MYB: variants seen among roughly 807,000 people sequenced by gnomAD.
The protein encoded by MYB is MYB proto-oncogene, transcription factor, also known as transcriptional activator Myb.
Under a neutral mutation model 92.9 loss-of-function variants are expected in MYB, and 28 were observed. The observed-to-expected ratio is 0.30, with a 90% CI of 0.22 to 0.41. The LOEUF is 0.41. Ranked by LOEUF, MYB falls within the 10% of genes least tolerant of loss-of-function variation. The pLI is 1.00. For synonymous variants in MYB, 295 were observed against 329.1 expected (o/e 0.90, Z 1.12); for missense variants, 679 against 929.3 (o/e 0.73, Z 3.50).
rs949351821 is a variant in MYB at position 135,181,609 on chromosome 6, C to G, written c.23+73C>G. 6.8e-6 allele frequency: 7 copies of G among 1,035,444 alleles called. No individual in the cohort carries two copies. The African/African-American group carries it at 1.0e-4, about 15-fold the overall frequency. The allele number at this position is 1,035,444 out of a possible 1,614,324, so 64.1% of individuals were successfully genotyped here. On this transcript the variant is annotated intron_variant, in intron 1 of 15. Coordinates refer to ENST00000341911, the MANE Select transcript of MYB (RefSeq NM_001130173.2). The surrounding 1 kb of genome is among the most constrained non-coding windows in gnomAD (Gnocchi z 5.3). ...GCGCGGGGCGCCAGGCTCCCGGGAG[C>G]AGGTGGGAATTCGTTCCGGGATCAT...
chr6:135,186,079 CA>C, intron 2 of MYB, 59 bp downstream of exon 2: 1 of 1,451,488 alleles, frequency 6.9e-7, no homozygotes. Context: ...TTATAAAAAA[CA>C]AAATTTCAAC....
intron 2 of MYB, among the ~76,000 whole-genome samples, chr6:135,186,556 G>A (rs1486458606): frequency 6.6e-6 from 1 of 152,182 alleles, no homozygotes; most frequent in Non-Finnish European, 1.5e-5. Flanking sequence ...CTCAATAAGT[G>A]AATGACTTGC....
At chr6:135,195,635 C>A in intron 8 of MYB, 113 bp from the exon 9 acceptor site, 1 of 1,218,706 alleles carries the variant, frequency 8.2e-7, no homozygotes. Flanking sequence ...GATGATGCAA[C>A]TACTCTTATC....
chr6:135,181,427 A>G lies in MYB; in HGVS notation c.-87A>G. 2 of 937,328 alleles carry G rather than the reference A, an allele frequency of 2.1e-6. No homozygotes were observed. The highest frequency in any genetic ancestry group is 5.7e-5 in the East Asian group (1 of 17,698). 58.1% of individuals were successfully genotyped at this position (937,328 alleles called of 1,614,324 possible). A position where few individuals can be genotyped will look rare whatever the true frequency, so the allele number is the denominator to read the frequency against. On this transcript the variant is annotated 5_prime_UTR_variant, in exon 1 of 16. Transcript: ENST00000341911. The surrounding 1 kb of genome is among the most constrained non-coding windows in gnomAD (Gnocchi z 5.3). ...GCGGAGCGCCGCTGCGCAGCCGGGG[A>G]GGGACGCAGGCAGGCGGCGGGCAGC...
chr6:135,206,270 T>C (rs1170334885), intron 15 of MYB, among the ~76,000 whole-genome samples: 1 of 148,056 alleles, frequency 6.8e-6, no homozygotes. Flanking sequence ...TAGTGGTACA[T>C]ACCTGTAATC....
intron 14 of MYB, 86 bp downstream of exon 14, chr6:135,201,835 T>C: frequency 1.6e-6 from 1 of 621,252 alleles, no homozygotes. Flanking sequence ...CTGCTGCGGT[T>C]TCAGCACTCC....
Position 135,203,209 on chromosome 6 carries a change from C to T in MYB, c.2062-8C>T, listed in dbSNP as rs750696073. On this transcript the variant is annotated splice_region_variant and splice_polypyrimidine_tract_variant and intron_variant, in intron 14 of 15. Coordinates refer to ENST00000341911, the MANE Select transcript of MYB (RefSeq NM_001130173.2). Reference sequence around the variant, plus strand: ...CATTTAAATTTCAAATTATTCTCTTCCCTTTAGAATATTCTTACAAGCTCC... The same window carrying T: ...CATTTAAATTTCAAATTATTCTCTTTCCTTTAGAATATTCTTACAAGCTCC... 34 of 1,559,360 alleles carry T rather than the reference C, an allele frequency of 2.2e-5. No individual in the cohort carries two copies. Among genetic ancestry groups the T allele is most frequent in the Non-Finnish European group, 3.0e-5 (34 of 1,135,228 alleles).
In MYB at chr6:135,185,914, G is replaced by A. The variant is rs1222801619; in HGVS notation, c.35G>A (p.Ser12Asn). ...TCTTATTTCTGCAGCATATATAGCAGTGACGAGGATGATGAGGACTTTGAG... is the reference window on the plus strand; with the variant it reads ...TCTTATTTCTGCAGCATATATAGCAATGACGAGGATGATGAGGACTTTGAG... ...ARRPRHSIYS[S>N]DEDDEDFEMC... The change falls in exon 2 of 16, where the codon AGT (serine) becomes AAT (asparagine). Residue 12 changes from serine (S) to asparagine (N), a missense_variant. By Grantham distance (46) the Ser-to-Asn change is conservative. Coordinates refer to ENST00000341911, the MANE Select transcript of MYB (RefSeq NM_001130173.2). 6.2e-7 allele frequency: 1 copy of A among 1,613,692 alleles called. No individual in the cohort carries two copies. The highest frequency in any genetic ancestry group is 8.5e-7 in the Non-Finnish European group (1 of 1,179,640).
intron 14 of MYB, 144 bp downstream of exon 14, chr6:135,201,893 A>T (rs1778148337): frequency 4.7e-6 from 2 of 423,940 alleles, no homozygotes; most frequent in Non-Finnish European, 4.1e-6. Context: ...CATGATTTTT[A>T]AAAAATGATT....
At chr6:135,207,876 A>G (rs1032533788) in intron 15 of MYB, among the ~76,000 whole-genome samples, 2 of 151,462 alleles carry the variant, frequency 1.3e-5, no homozygotes, top group Non-Finnish European at 2.9e-5. Context: ...CTGGGACTAC[A>G]GATATCTGCC....
In MYB at chr6:135,218,225, G is replaced by T; in HGVS notation, c.*245G>T. 2 of 390,410 alleles carry T rather than the reference G, an allele frequency of 5.1e-6. No homozygotes were observed. The highest frequency in any genetic ancestry group is 3.4e-5 in the South Asian group (1 of 29,482). 24.2% of individuals were successfully genotyped at this position (390,410 alleles called of 1,614,324 possible). The stretch of plus-strand genomic sequence containing the variant: ...ATTAGGTAATGAATTGTAGCCAGTT[G>T]TTAATATCTTAATGCAGATTTTTTT... On this transcript the variant is annotated 3_prime_UTR_variant, in exon 16 of 16. Coordinates refer to ENST00000341911, the MANE Select transcript of MYB (RefSeq NM_001130173.2).
At chr6:135,217,742 C>T (rs553195691) in intron 15 of MYB, 122 bp from the exon 16 acceptor site, 2 of 745,950 alleles carry the variant, frequency 2.7e-6, no homozygotes, top group East Asian at 5.0e-5. Flanking sequence ...AGGTAAGATT[C>T]TATCTGACAA....
intron 14 of MYB, among the ~76,000 whole-genome samples, chr6:135,202,012 T>C (rs766079175): frequency 6.6e-6 from 1 of 152,244 alleles, no homozygotes; most frequent in Non-Finnish European, 1.5e-5. Context: ...TAAAAAAATC[T>C]ACATGGATAT....
intron 8 of MYB, chr6:135,194,769 A>G: frequency 1.6e-6 from 1 of 622,648 alleles, no homozygotes; most frequent in South Asian, 2.8e-5. Flanking sequence ...GAAAATCTGC[A>G]TTTTCTACAG....
Position 135,194,422 on chromosome 6 carries a change from T to C in MYB, c.910T>C (p.Ser304Pro). Reference sequence around the variant, plus strand: ...AAAGGAATTAGAATTGCTCCTAATGTCAACCGAGAATGAGCTAAAAGGACA... The same window carrying C: ...AAAGGAATTAGAATTGCTCCTAATGCCAACCGAGAATGAGCTAAAAGGACA... Reference protein sequence around the residue: ...RIKELELLLMSTENELKGQQV... With the variant: ...RIKELELLLMPTENELKGQQV... Residue 304 changes from serine (S) to proline (P), a missense_variant, in exon 8 of 16, where the codon TCA (serine) becomes CCA (proline). Ser to Pro is a moderately conservative substitution (Grantham distance 74). Around this residue, in one of 8 missense-constraint regions of MYB, gnomAD observed 43 missense variants for 87.9 expected, o/e 0.49. Coordinates refer to ENST00000341911, the MANE Select transcript of MYB (RefSeq NM_001130173.2). The C allele has an allele frequency of 6.2e-7, 1 of 1,614,060 alleles. No homozygotes were observed.
At chr6:135,206,422 C>T (rs1471069876) in intron 15 of MYB, among the ~76,000 whole-genome samples, 4 of 147,814 alleles carry the variant, frequency 2.7e-5, no homozygotes, top group Non-Finnish European at 4.5e-5. Flanking sequence ...TTAAGGCCAG[C>T]CGTGGTGGCT....
chr6:135,217,141 G>A (rs985005342), intron 15 of MYB, among the ~76,000 whole-genome samples: 6 of 152,150 alleles, frequency 3.9e-5, no homozygotes, highest in Admixed American at 1.3e-4. Flanking sequence ...GGCCAAGACC[G>A]GCAGATCACT....
At position 135,218,067 on chromosome 6, in the gene MYB, T is replaced by C; in HGVS notation, c.*87T>C. The C allele has an allele frequency of 1.9e-6, 2 of 1,052,928 alleles. No individual in the cohort carries two copies. The highest frequency in any genetic ancestry group is 2.6e-5 in the South Asian group (2 of 77,730). The allele number at this position is 1,052,928 out of a possible 1,614,324, so 65.2% of individuals were successfully genotyped here. A position where few individuals can be genotyped will look rare whatever the true frequency, so the allele number is the denominator to read the frequency against. On this transcript the variant is annotated 3_prime_UTR_variant, in exon 16 of 16. Transcript: ENST00000341911. ...TCCTCAACATGAAACTTTTCATGAA[T>C]GGGAGAAGAACCTATTTTTGTTGTG...
intron 6 of MYB, 71 bp downstream of exon 6, chr6:135,192,629 T>C: frequency 2.1e-6 from 3 of 1,435,218 alleles, no homozygotes; most frequent in Non-Finnish European, 2.0e-6. Flanking sequence ...AATCATACTT[T>C]GCAGTTGTAT....
Sources: gnomAD v4.1 joint callset for allele counts (sites outside exome capture counted in the v4.1 genomes callset) on GRCh38, gnomAD v4.1.1 for gene constraint, gnomAD v4.1.1 regional missense constraint, Gnocchi (gnomAD v3.1) non-coding constraint, MANE v1.5 for transcripts, NCBI Gene and HGNC (gene_info 2026-07-23, HGNC 2026-07-21) for gene names.